The following ACLY variants were observed in gnomAD, a reference collection of about 807,000 sequenced individuals.
ACLY encodes the protein ATP-citrate synthase.
Under a neutral mutation model 133.0 loss-of-function variants are expected in ACLY, and 41 were observed. The observed-to-expected ratio is 0.31, with a 90% CI of 0.24 to 0.40. The LOEUF is 0.40. Ranked by LOEUF, ACLY falls within the 10% of genes least tolerant of loss-of-function variation. The pLI is 1.00. For synonymous variants in ACLY, 495 were observed against 549.3 expected, an observed-to-expected ratio of 0.90 and a Z score of 1.38; for missense variants, 1,046 against 1,453.8, an observed-to-expected ratio of 0.72 and a Z score of 4.56.
rs1300431278 is a variant in ACLY, at chr17:41,926,024, T to G, written c.-28+4334A>C. Reference sequence around the variant, plus strand: ...CACACCAGGCTAATTTTTGTATTTTTGGTAGAGATGGGGCTTCACCATGTT... The same window carrying G: ...CACACCAGGCTAATTTTTGTATTTTGGGTAGAGATGGGGCTTCACCATGTT... On this transcript the variant is annotated intron_variant, in intron 1 of 3. Transcript: ENST00000592970. Among the ~76,000 whole-genome samples the G allele has an allele frequency of 4.6e-5, 7 of 152,064 alleles. No individual in the cohort carries two copies. The East Asian group carries it at 1.2e-3, about 25-fold the overall frequency.
At position 41,872,158 on chromosome 17, in the gene ACLY, G is replaced by A; in HGVS notation, c.2667C>T (p.Phe889=). ...QKRLPKYSCQ[F]IEMCLMVTAD... ...CTGTCACCATCAGACACATCTCAAT[G>A]AACTGGCAAGAGTACTTAGGCAACC... Residue 889 remains phenylalanine (F), a synonymous_variant, in exon 24 of 29, where the codon TTC becomes TTT. Coordinates refer to ENST00000352035, the MANE Select transcript of ACLY (RefSeq NM_001096.3). 6.2e-7 allele frequency: 1 copy of A among 1,613,812 alleles called. No homozygotes were observed. Among genetic ancestry groups the A allele is most frequent in the Non-Finnish European group, 8.5e-7 (1 of 1,180,032 alleles).
intron 16 of ACLY, among the ~76,000 whole-genome samples, chr17:41,892,005 A>C (rs188168334): frequency 3.3e-5 from 5 of 152,274 alleles, no homozygotes; most frequent in African/African-American, 7.2e-5. Context: ...CCCAGGCCTG[A>C]GCAGCCTCTT....
At chr17:41,877,204 G>A (rs1403920224) in intron 22 of ACLY, among the ~76,000 whole-genome samples, 3 of 150,074 alleles carry the variant, frequency 2.0e-5, no homozygotes, top group East Asian at 4.0e-4. Context: ...GCAATGGCAC[G>A]ATCTTGGCTC....
At chr17:41,876,193 G>C (rs1404672076) in intron 22 of ACLY, among the ~76,000 whole-genome samples, 6 of 151,694 alleles carry the variant, frequency 4.0e-5, no homozygotes, top group African/African-American at 1.5e-4. Flanking sequence ...ACCCCGTCTG[G>C]GAAGTGAGGA....
chr17:41,917,729 C>T (rs868961576), intron 1 of ACLY, among the ~76,000 whole-genome samples: 1 of 152,006 alleles, frequency 6.6e-6, no homozygotes, highest in Admixed American at 6.6e-5. Context: ...TGTGAGTGCC[C>T]CTTACTGCGG....
In ACLY at chr17:41,889,524, C is replaced by CAAAAAAAAAAAAAAAAAAAAAAAAAAAA. The variant is rs533387140; in HGVS notation, c.1771-1849_1771-1822dup. ...GGTGATGGAGAAAGGCTCCATTTCACAAAAAAAAAAAAAAAAAAAAAAAAA... is the reference window on the plus strand; with the variant it reads ...GGTGATGGAGAAAGGCTCCATTTCACAAAAAAAAAAAAAAAAAAAAAAAAAAAAAAAAAAAAAAAAAAAAAAAAAAAAA... On this transcript the variant is annotated intron_variant, in intron 16 of 28. Coordinates refer to ENST00000352035, the MANE Select transcript of ACLY (RefSeq NM_001096.3). 1.3e-4 allele frequency among the ~76,000 whole-genome samples: 4 copies of CAAAAAAAAAAAAAAAAAAAAAAAAAAAA among 31,602 alleles called. 2 individuals are homozygous for CAAAAAAAAAAAAAAAAAAAAAAAAAAAA. Among genetic ancestry groups the CAAAAAAAAAAAAAAAAAAAAAAAAAAAA allele is most frequent in the African/African-American group, 3.4e-4 (2 of 5,840 alleles). 20.7% of individuals were successfully genotyped at this position (31,602 alleles called of 152,430 possible).
chr17:41,882,955 G>A (rs528875245), intron 20 of ACLY, among the ~76,000 whole-genome samples, 167 bp downstream of exon 20: 2 of 152,322 alleles, frequency 1.3e-5, no homozygotes, highest in East Asian at 1.9e-4. Flanking sequence ...CTGGATATAA[G>A]CTCCCAGAGA....
Position 41,918,938 on chromosome 17 carries a change from C to A in ACLY, c.-82G>T. On this transcript the variant is annotated 5_prime_UTR_variant, in exon 1 of 29. Transcript: ENST00000352035. ...CAGGCCCGACGAACCCCGCAAAATC[C>A]GGAGCACCCCAGCAGCCGGTAGCTT... is the stretch of plus-strand genomic sequence containing the variant. The A allele has an allele frequency of 2.3e-6, 3 of 1,289,290 alleles. No individual in the cohort carries two copies. Among genetic ancestry groups the A allele is most frequent in the Non-Finnish European group, 3.0e-6 (3 of 988,680 alleles). 79.9% of individuals were successfully genotyped at this position (1,289,290 alleles called of 1,614,324 possible). A position where few individuals can be genotyped will look rare whatever the true frequency, so the allele number is the denominator to read the frequency against.
upstream of ACLY, among the ~76,000 whole-genome samples, chr17:41,921,572 G>A (rs2050184421): frequency 6.6e-6 from 1 of 152,018 alleles, no homozygotes; most frequent in Non-Finnish European, 1.5e-5. Context: ...CATAGGCTCA[G>A]GCCTGTAATC....
At chr17:41,881,166 A>G (rs961475634) in intron 20 of ACLY, among the ~76,000 whole-genome samples, 1 of 152,030 alleles carries the variant, frequency 6.6e-6, no homozygotes, top group Non-Finnish European at 1.5e-5. Context: ...GCGGTAACTC[A>G]CGGCTGTAAT....
intron 3 of ACLY, among the ~76,000 whole-genome samples, chr17:41,911,264 G>A (rs1218319579): frequency 1.3e-5 from 2 of 152,164 alleles, no homozygotes; most frequent in African/African-American, 4.8e-5. Context: ...GAAGAGAACA[G>A]CTCATCCCTG....
chr17:41,926,384 G>C (rs1555635966), intron 1 of ACLY, among the ~76,000 whole-genome samples: 3 of 152,188 alleles, frequency 2.0e-5, no homozygotes, highest in Non-Finnish European at 4.4e-5. Flanking sequence ...TGTGAAACCA[G>C]GAAACCACTG....
chr17:41,869,327 G>T (rs1435872215), intron 26 of ACLY, 147 bp downstream of exon 26: 1 of 800,260 alleles, frequency 1.2e-6, no homozygotes, highest in African/African-American at 1.7e-5. Flanking sequence ...TTTAGTGCAT[G>T]TCTGTTAAAT....
At chr17:41,922,149 C>G (rs536661154), upstream of ACLY, among the ~76,000 whole-genome samples, 1 of 152,022 alleles carries the variant, frequency 6.6e-6, no homozygotes, top group Non-Finnish European at 1.5e-5. Flanking sequence ...GAGGCCGAGG[C>G]GGGCGGATCA....
intron 10 of ACLY, among the ~76,000 whole-genome samples, chr17:41,904,132 G>C (rs1555632122): frequency 1.4e-5 from 2 of 146,694 alleles, no homozygotes; most frequent in African/African-American, 5.1e-5. Flanking sequence ...AGAAAGGAAG[G>C]GAGGGAAGGA....
chr17:41,883,359 A>AAGCAGC, intron 19 of ACLY, 127 bp from the exon 20 acceptor site: 1 of 703,510 alleles, frequency 1.4e-6, no homozygotes, highest in Non-Finnish European at 2.4e-6. Flanking sequence ...GCCTGGACAC[A>AAGCAGC]AGGAAGATTT....
chr17:41,873,915 A>G lies in ACLY; in HGVS notation c.2538T>C (p.Asp846=). ...CGTAGATGAGCTCCTGTCCTCGCTC[A>G]TCGCAGATGCTGGTCATGAACGAGG... is the stretch of plus-strand genomic sequence containing the variant. ...KPASFMTSIC[D]ERGQELIYAG... is the part of the protein sequence containing the mutation. Residue 846 remains aspartate (D), a synonymous_variant, in exon 23 of 29, where the codon GAT becomes GAC. Coordinates refer to ENST00000352035, the MANE Select transcript of ACLY (RefSeq NM_001096.3). The G allele has an allele frequency of 4.3e-6, 7 of 1,610,228 alleles. No homozygotes were observed. The highest frequency in any genetic ancestry group is 2.2e-5 in the East Asian group (1 of 44,676).
At chr17:41,899,112 T>C (rs2049453547) in intron 11 of ACLY, among the ~76,000 whole-genome samples, 1 of 151,856 alleles carries the variant, frequency 6.6e-6, no homozygotes, top group South Asian at 2.1e-4. Flanking sequence ...CTGTCTCTAC[T>C]AAAAACACAA....
chr17:41,928,805 A>G (rs1342530121), intron 1 of ACLY, among the ~76,000 whole-genome samples: 1 of 150,474 alleles, frequency 6.6e-6, no homozygotes, highest in African/African-American at 2.4e-5. Flanking sequence ...GTGAGCCGAG[A>G]TCACATCACT....
Sources: gnomAD v4.1 joint callset for allele counts (sites outside exome capture counted in the v4.1 genomes callset) on GRCh38, gnomAD v4.1.1 for gene constraint, MANE v1.5 for transcripts, NCBI Gene and HGNC (gene_info 2026-07-23, HGNC 2026-07-21) for gene names.